The following TNIK variants were observed in gnomAD, a reference collection of about 807,000 sequenced individuals.
TNIK encodes TRAF2 and NCK-interacting protein kinase.
TNIK carries 49 observed loss-of-function variants against 191.3 expected under a neutral mutation model. The ratio of observed to expected loss-of-function variants is 0.26; its 90% CI spans 0.20 to 0.32. The LOEUF (loss-of-function observed/expected upper bound fraction) is 0.32. TNIK is among the 10% of genes least tolerant of loss of function. TNIK has a pLI of 1.00. For missense variants in TNIK, 1,155 were observed against 1,702.3 expected (o/e 0.68, Z 5.66); for synonymous variants, 594 against 600.9 (o/e 0.99, Z 0.17).
Position 171,441,964 on chromosome 3 carries a change from T to C in TNIK, c.57+18043A>G, listed in dbSNP as rs1025616440. Among the ~76,000 whole-genome samples the C allele has an allele frequency of 1.1e-4, 16 of 152,314 alleles. No individual in the cohort carries two copies. In the South Asian group the frequency reaches 3.3e-3, roughly 32 times the overall value. ...TGTACTTAAAAAATTTTGAGAGCTG[T>C]CCATTTGAAAACATGGTTGAAATAA... On this transcript the variant is annotated intron_variant, in intron 1 of 32. Transcript: ENST00000436636.
intron 2 of TNIK, among the ~76,000 whole-genome samples, chr3:171,369,159 C>G (rs1311001651): frequency 2.0e-5 from 3 of 152,140 alleles, no homozygotes; most frequent in African/African-American, 7.2e-5. Flanking sequence ...TGCTATTAAG[C>G]TTTTGCTTTG....
chr3:171,123,068 A>C (rs1030012898), intron 18 of TNIK, among the ~76,000 whole-genome samples: 2 of 152,244 alleles, frequency 1.3e-5, no homozygotes. Flanking sequence ...TGTAATGCCA[A>C]AGAGGCAACT....
chr3:171,059,063 C>G lies in TNIK; in HGVS notation c.*4818G>C, dbSNP rs1228428888. Among the ~76,000 whole-genome samples, 1 of 152,174 alleles carries G rather than the reference C, an allele frequency of 6.6e-6. No homozygotes were observed. The highest frequency in any genetic ancestry group is 1.5e-5 in the Non-Finnish European group (1 of 68,012). ...TCCATTGCCAGAAATGAAAACTCAC[C>G]TTTCCACCAGCATTTGCTCAGCCTC... On this transcript the variant is annotated 3_prime_UTR_variant, in exon 33 of 33. Transcript: ENST00000436636.
At chr3:171,136,584 G>T (rs1730006895) in intron 15 of TNIK, among the ~76,000 whole-genome samples, 1 of 152,296 alleles carries the variant, frequency 6.6e-6, no homozygotes, top group Middle Eastern at 3.4e-3. Context: ...GCTCAAGCAG[G>T]AGTCTTGGTC....
At chr3:171,073,670 A>G (rs1159565295) in intron 28 of TNIK, among the ~76,000 whole-genome samples, 1 of 152,168 alleles carries the variant, frequency 6.6e-6, no homozygotes, top group African/African-American at 2.4e-5. Context: ...AACAAGAAAA[A>G]ATCCTATTAA....
intron 3 of TNIK, among the ~76,000 whole-genome samples, chr3:171,215,734 A>T (rs1299287747): frequency 6.6e-6 from 1 of 152,054 alleles, no homozygotes; most frequent in Non-Finnish European, 1.5e-5. Flanking sequence ...TAAAGAAGGG[A>T]TTTTAAGTTG....
chr3:171,080,633 T>A (rs1216698190), intron 27 of TNIK, among the ~76,000 whole-genome samples: 1 of 152,076 alleles, frequency 6.6e-6, no homozygotes. Context: ...GAGATGGGGT[T>A]TCACCATGTT....
intron 9 of TNIK, among the ~76,000 whole-genome samples, chr3:171,175,027 A>G (rs1735798049): frequency 6.6e-6 from 1 of 152,204 alleles, no homozygotes; most frequent in African/African-American, 2.4e-5. Flanking sequence ...ATTTTGGCTA[A>G]TAATTTCTTA....
intron 2 of TNIK, among the ~76,000 whole-genome samples, chr3:171,352,034 G>A (rs1713292463): frequency 6.6e-6 from 1 of 152,180 alleles, no homozygotes; most frequent in Non-Finnish European, 1.5e-5. Flanking sequence ...AATCACCTGG[G>A]AGTCTCGTTA....
intron 1 of TNIK, among the ~76,000 whole-genome samples, chr3:171,441,386 C>T (rs916243600): frequency 6.6e-6 from 1 of 152,218 alleles, no homozygotes; most frequent in African/African-American, 2.4e-5. Flanking sequence ...CTAGACATTT[C>T]ATATATACAG....
intron 2 of TNIK, among the ~76,000 whole-genome samples, chr3:171,248,311 AAGGAACTGAGC>A (rs1391073257): frequency 6.6e-6 from 1 of 152,156 alleles, no homozygotes; most frequent in Non-Finnish European, 1.5e-5. Context: ...AAAACAGGAG[AAGGAACTGAGC>A]AGGTACATAC....
intron 2 of TNIK, among the ~76,000 whole-genome samples, chr3:171,290,706 A>G (rs1042378049): frequency 6.6e-6 from 1 of 152,210 alleles, no homozygotes; most frequent in Non-Finnish European, 1.5e-5. Context: ...TTTTCTCTCC[A>G]TCTGAAACTT....
chr3:171,301,793 C>T (rs1752914413), intron 2 of TNIK, among the ~76,000 whole-genome samples: 1 of 152,168 alleles, frequency 6.6e-6, no homozygotes, highest in African/African-American at 2.4e-5. Context: ...TTAGAAGGGA[C>T]TGTGTTTAAA....
At chr3:171,438,492 C>T (rs531712298) in intron 1 of TNIK, among the ~76,000 whole-genome samples, 5 of 152,334 alleles carry the variant, frequency 3.3e-5, no homozygotes, top group South Asian at 2.1e-4. Flanking sequence ...TGGTGAATTA[C>T]GTGTTAGGCA....
At chr3:171,328,259 T>A (rs1756037968) in intron 2 of TNIK, among the ~76,000 whole-genome samples, 1 of 152,186 alleles carries the variant, frequency 6.6e-6, no homozygotes, top group African/African-American at 2.4e-5. Context: ...GGCAGACCCT[T>A]ACCAGACACT....
intron 19 of TNIK, among the ~76,000 whole-genome samples, chr3:171,109,603 A>C (rs1366736157): frequency 6.6e-6 from 1 of 152,242 alleles, no homozygotes; most frequent in Non-Finnish European, 1.5e-5. Context: ...AAGAAAAAAG[A>C]ACTGAAGGTT....
At chr3:171,303,979 A>G (rs1010796387) in intron 2 of TNIK, among the ~76,000 whole-genome samples, 1 of 141,002 alleles carries the variant, frequency 7.1e-6, no homozygotes, top group Non-Finnish European at 1.5e-5. Flanking sequence ...GACAGCCAAC[A>G]TGGATTCACT....
chr3:171,066,064 A>T, intron 32 of TNIK, 123 bp downstream of exon 32: 1 of 1,299,344 alleles, frequency 7.7e-7, no homozygotes, highest in African/African-American at 1.5e-5. Flanking sequence ...TGCCATTTCA[A>T]GATAATATTG....
chr3:171,264,757 T>C (rs1370887290), intron 2 of TNIK, among the ~76,000 whole-genome samples: 1 of 152,128 alleles, frequency 6.6e-6, no homozygotes, highest in Non-Finnish European at 1.5e-5. Flanking sequence ...AGGGGGATAA[T>C]CTCTTAACAC....
Sources: allele counts gnomAD v4.1 joint callset (sites outside exome capture counted in the v4.1 genomes callset), GRCh38; gene constraint gnomAD v4.1.1; transcripts MANE v1.5; gene names NCBI Gene and HGNC (gene_info 2026-07-23, HGNC 2026-07-21).